HTR1F: variants seen among roughly 807,000 people sequenced by gnomAD.
HTR1F encodes 5-hydroxytryptamine (serotonin) receptor 1F, G protein-coupled.
In HTR1F, 17 loss-of-function variants were observed where a neutral mutation model predicts 24.0. That is an observed-to-expected ratio of 0.71 (90% CI 0.48 to 1.06). HTR1F has a LOEUF of 1.06. Among genes scored for constraint, HTR1F ranks in the 50% least tolerant of loss-of-function variants. HTR1F has a pLI of 0.00. For missense variants in HTR1F, 391 were observed against 427.8 expected, an observed-to-expected ratio of 0.91 and a Z score of 0.76; for synonymous variants, 186 against 156.8, an observed-to-expected ratio of 1.19 and a Z score of -1.39.
chr3:87,851,934 T>C (rs970519844), intron 2 of HTR1F, among the ~76,000 whole-genome samples: 8 of 150,486 alleles, frequency 5.3e-5, no homozygotes, highest in African/African-American at 2.0e-4. Context: ...TAATTTACTT[T>C]GCTATTTTGA....
intron 2 of HTR1F, among the ~76,000 whole-genome samples, chr3:87,913,861 C>A (rs956778727): frequency 2.6e-5 from 4 of 152,098 alleles, no homozygotes; most frequent in African/African-American, 9.7e-5. Context: ...GGGATCATGG[C>A]AGACAAGAGG....
At chr3:87,798,630 C>T (rs1418988893) in intron 1 of HTR1F, among the ~76,000 whole-genome samples, 1 of 151,964 alleles carries the variant, frequency 6.6e-6, no homozygotes, top group African/African-American at 2.4e-5. Flanking sequence ...CTGTCACCAG[C>T]TCCTCCACTC....
At chr3:87,831,330 AATTATTATTATTATTATTATTATTATT>A (rs58022545) in intron 2 of HTR1F, among the ~76,000 whole-genome samples, 4 of 142,418 alleles carry the variant, frequency 2.8e-5, no homozygotes, top group Non-Finnish European at 3.0e-5. Flanking sequence ...GATATTAAGA[AATTATTATTATTATTATTATTATTATT>A]ATTATTATTA....
Position 87,953,352 on chromosome 3 carries a change from CAAA to C in HTR1F, c.-42-37347_-42-37345del, listed in dbSNP as rs36096688. ...AAATATAAAGAACTCGATTTAACGGCAAAAAAAAAAAGAAAAGAAAATAGTGAG... is the reference window on the plus strand; with the variant it reads ...AAATATAAAGAACTCGATTTAACGGCAAAAAAAAGAAAAGAAAATAGTGAG... On this transcript the variant is annotated intron_variant, in intron 2 of 2. Coordinates refer to ENST00000319595, the MANE Select transcript of HTR1F (RefSeq NM_001322209.2). 1.2e-4 allele frequency among the ~76,000 whole-genome samples: 17 copies of C among 144,292 alleles called. No homozygotes were observed. In the East Asian group the frequency reaches 1.7e-3, roughly 14 times the overall value. The allele number at this position is 144,292 out of a possible 152,430, so 94.7% of individuals were successfully genotyped here. A position where few individuals can be genotyped will look rare whatever the true frequency, so the allele number is the denominator to read the frequency against.
chr3:87,815,427 C>T (rs1704232315), intron 1 of HTR1F, among the ~76,000 whole-genome samples: 1 of 152,004 alleles, frequency 6.6e-6, no homozygotes, highest in Non-Finnish European at 1.5e-5. Context: ...ACTAGGTTAG[C>T]AAATGAGCCT....
At chr3:87,839,771 T>A (rs1360710830) in intron 2 of HTR1F, among the ~76,000 whole-genome samples, 1 of 152,112 alleles carries the variant, frequency 6.6e-6, no homozygotes, top group Admixed American at 6.6e-5. Context: ...CTCCCCCATC[T>A]TGTATTCTCC....
chr3:87,796,436 A>G (rs1703906974), intron 1 of HTR1F, among the ~76,000 whole-genome samples: 1 of 152,172 alleles, frequency 6.6e-6, no homozygotes, highest in Non-Finnish European at 1.5e-5. Context: ...GGAGATAAGA[A>G]TGTGTGAGTC....
chr3:87,856,646 C>A (rs1705205400), intron 2 of HTR1F, among the ~76,000 whole-genome samples: 1 of 152,084 alleles, frequency 6.6e-6, no homozygotes, highest in Non-Finnish European at 1.5e-5. Context: ...CAGAGGAAGA[C>A]AAACCTTCAG....
At chr3:87,882,444 C>A (rs1201694983) in intron 2 of HTR1F, among the ~76,000 whole-genome samples, 6 of 152,030 alleles carry the variant, frequency 3.9e-5, no homozygotes. Context: ...ATAGCAAAGA[C>A]TTGGAACCAA....
intron 2 of HTR1F, among the ~76,000 whole-genome samples, chr3:87,952,441 T>C (rs1428895569): frequency 1.3e-5 from 2 of 151,962 alleles, no homozygotes; most frequent in Non-Finnish European, 2.9e-5. Context: ...GAAATCTCTT[T>C]GAGCCTCACT....
intron 2 of HTR1F, among the ~76,000 whole-genome samples, chr3:87,928,709 T>G (rs559745964): frequency 5.9e-5 from 9 of 152,216 alleles, no homozygotes; most frequent in Non-Finnish European, 8.8e-5. Context: ...CTATTATGTA[T>G]CCATTTGTCT....
chr3:87,845,664 T>C (rs1247088559), intron 2 of HTR1F, among the ~76,000 whole-genome samples: 1 of 151,604 alleles, frequency 6.6e-6, no homozygotes, highest in African/African-American at 2.4e-5. Flanking sequence ...CTGCCCAAGG[T>C]AATTTACAGA....
chr3:87,981,169 G>A (rs1029217183), intron 2 of HTR1F, among the ~76,000 whole-genome samples: 24 of 152,196 alleles, frequency 1.6e-4, no homozygotes, highest in South Asian at 8.3e-4. Context: ...TAGCACTTAC[G>A]GGTTTGTTTT....
At chr3:87,862,661 C>T (rs1408054789) in intron 2 of HTR1F, among the ~76,000 whole-genome samples, 1 of 152,122 alleles carries the variant, frequency 6.6e-6, no homozygotes, top group East Asian at 1.9e-4. Flanking sequence ...TCTTTATGGT[C>T]TAGTTTCTCC....
At chr3:87,834,690 T>C (rs1704648540) in intron 2 of HTR1F, among the ~76,000 whole-genome samples, 1 of 152,228 alleles carries the variant, frequency 6.6e-6, no homozygotes, top group Non-Finnish European at 1.5e-5. Context: ...TCCATCCTGC[T>C]GCCTATTTTT....
rs766748036 is a variant in HTR1F, at chr3:87,991,759, A to G, written c.1010A>G (p.Tyr337Cys). Residue 337 changes from tyrosine to cysteine, a missense_variant, in exon 3 of 3, where the codon TAT becomes TGT. Tyr to Cys is a radical substitution (Grantham distance 194). Coordinates refer to ENST00000319595, the MANE Select transcript of HTR1F (RefSeq NM_001322209.2). ...TCCAATTTTTTGGCATGGCTTGGGTATCTCAATTCCCTTATAAATCCACTG... is the reference window on the plus strand; with the variant it reads ...TCCAATTTTTTGGCATGGCTTGGGTGTCTCAATTCCCTTATAAATCCACTG... The part of the protein sequence containing the change: ...EMSNFLAWLG[Y>C]LNSLINPLIY... 16 of 1,613,578 alleles carry G rather than the reference A, an allele frequency of 9.9e-6. No individual in the cohort carries two copies. The highest frequency in any genetic ancestry group is 3.3e-5 in the South Asian group (3 of 91,018).
At chr3:87,947,299 A>G (rs7614415) in intron 2 of HTR1F, among the ~76,000 whole-genome samples, 66,995 of 151,984 alleles carry the variant, frequency 0.44, 15,771 homozygotes, top group African/African-American at 0.61. Context: ...AAATGTTAAA[A>G]GACAGGAAAA....
chr3:87,974,955 C>T (rs1392770394), intron 2 of HTR1F, among the ~76,000 whole-genome samples: 1 of 152,098 alleles, frequency 6.6e-6, no homozygotes, highest in East Asian at 1.9e-4. Context: ...TGTGCTAAGT[C>T]ACAACTAGGG....
intron 2 of HTR1F, among the ~76,000 whole-genome samples, chr3:87,897,055 T>G (rs1559622815): frequency 6.6e-6 from 1 of 152,046 alleles, no homozygotes; most frequent in Non-Finnish European, 1.5e-5. Context: ...ATCCCTCTTC[T>G]GGATATATAT....
Sources: allele counts gnomAD v4.1 joint callset (sites outside exome capture counted in the v4.1 genomes callset), GRCh38; gene constraint gnomAD v4.1.1; transcripts MANE v1.5; gene names NCBI Gene and HGNC (gene_info 2026-07-23, HGNC 2026-07-21).